The following FAM120B variants were observed in gnomAD, a reference collection of about 807,000 sequenced individuals.
The protein encoded by FAM120B is family with sequence similarity 120 member B, also known as constitutive coactivator of peroxisome proliferator-activated receptor gamma.
In FAM120B, 83 loss-of-function variants were observed where a neutral mutation model predicts 96.3. That is an observed-to-expected ratio of 0.86 (90% CI 0.72 to 1.03). FAM120B has a LOEUF of 1.03. Among genes scored for constraint, FAM120B ranks in the 50% least tolerant of loss-of-function variants. The probability of loss-of-function intolerance (pLI) is 0.00; values close to 1 mark genes in which losing one functional copy is unlikely to be tolerated. For synonymous variants in FAM120B, 407 were observed against 402.7 expected (o/e 1.01, Z -0.13); for missense variants, 1,027 against 1,121.2 (o/e 0.92, Z 1.20).
intron 4 of FAM120B, among the ~76,000 whole-genome samples, chr6:170,337,872 T>A (rs946458954): frequency 6.6e-6 from 1 of 152,220 alleles, no homozygotes; most frequent in African/African-American, 2.4e-5. Flanking sequence ...CGATCAGTGG[T>A]GATATCCCCT....
Position 170,380,091 on chromosome 6 carries a change from T to G in FAM120B, c.2284-8196T>G, listed in dbSNP as rs141579310. On this transcript the variant is annotated intron_variant, in intron 6 of 10. Coordinates refer to ENST00000476287, the MANE Select transcript of FAM120B (RefSeq NM_032448.3). ...TCAAGATTCCACATGCAGGTGAGAT[T>G]GTGCAGTATTTGTCTGACTTTGCCT... Among the ~76,000 whole-genome samples the G allele has an allele frequency of 3.0e-3, 450 of 152,368 alleles. 1 individual carries two copies. The highest frequency in any genetic ancestry group is 0.01 in the African/African-American group (433 of 41,588).
chr6:170,317,357 T>C lies in FAM120B; in HGVS notation c.-21-13T>C. 3 of 1,582,188 alleles carry C rather than the reference T, an allele frequency of 1.9e-6. No homozygotes were observed. The Middle Eastern group carries it at 5.0e-4, about 266-fold the overall frequency. ...AATGCCATAATTACTGATTAATTTA[T>C]CTTTCTTTCCAGATCCTTTCCCGGA... On this transcript the variant is annotated splice_polypyrimidine_tract_variant and intron_variant, in intron 1 of 10. Coordinates refer to ENST00000476287, the MANE Select transcript of FAM120B (RefSeq NM_032448.3).
At chr6:170,379,562 A>G (rs1175847339) in intron 6 of FAM120B, among the ~76,000 whole-genome samples, 3 of 152,232 alleles carry the variant, frequency 2.0e-5, no homozygotes, top group African/African-American at 7.2e-5. Context: ...TCAGTGTTCA[A>G]AAAGTTTTGG....
rs1789136057 is a variant in FAM120B, at chr6:170,370,749, CATTCT to C, written c.2283+12432_2283+12436del. On this transcript the variant is annotated intron_variant, in intron 6 of 10. Transcript: ENST00000476287. This position sits in a 1 kb window ranked among gnomAD's most constrained non-coding sequence, Gnocchi z 4.3. ...ACCTTTAAGGACTTGTTTTCCTTAA[CATTCT>C]TTTAAACTTGGTTTCTTCCTGTAGC... 6.6e-6 allele frequency among the ~76,000 whole-genome samples: 1 copy of C among 152,150 alleles called. No individual in the cohort carries two copies. The highest frequency in any genetic ancestry group is 6.5e-5 in the Admixed American group (1 of 15,284).
chr6:170,391,067 A>G lies in FAM120B; in HGVS notation c.2545A>G (p.Met849Val), dbSNP rs1562594841. 5.0e-6 allele frequency: 8 copies of G among 1,614,206 alleles called. No homozygotes were observed. The highest frequency in any genetic ancestry group is 2.2e-5 in the East Asian group (1 of 44,876). ...GAAGGCAGTCGTCTGCAAGGCCTGC[A>G]TGAAGGAGAACAGACGCATCACTGG... ...NLKAVVCKAC[M>V]KENRRITGRA... The change falls in exon 8 of 11, where the codon ATG (methionine) becomes GTG (valine). Residue 849 changes from methionine to valine, a missense_variant. Physicochemically the swap from Met to Val is conservative, Grantham distance 21 (BLOSUM62 1). This residue lies in a region of FAM120B where 142 missense variants were observed against 122.5 expected (regional missense o/e 1.16). Transcript: ENST00000476287.
upstream of FAM120B, chr6:170,290,997 G>A (rs1016547601): frequency 1.3e-5 from 9 of 701,770 alleles, no homozygotes; most frequent in Non-Finnish European, 2.1e-5. The surrounding 1 kb of genome is among the most constrained non-coding windows in gnomAD (Gnocchi z 4.7). Flanking sequence ...ATGCAAATCA[G>A]CAGCCCCCCA....
intron 6 of FAM120B, among the ~76,000 whole-genome samples, chr6:170,378,611 A>T (rs532594502): frequency 1.4e-3 from 206 of 152,360 alleles, no homozygotes; most frequent in African/African-American, 4.7e-3. Context: ...GGGAAGAGAC[A>T]GGAGGCAGGA....
chr6:170,357,211 C>T (rs551027658), intron 5 of FAM120B, among the ~76,000 whole-genome samples: 30 of 152,252 alleles, frequency 2.0e-4, no homozygotes, highest in East Asian at 7.7e-4. Context: ...GCAGCTCTTG[C>T]GGCCTTAGGA....
intron 4 of FAM120B, among the ~76,000 whole-genome samples, chr6:170,347,729 A>G (rs2115137848): frequency 6.6e-6 from 1 of 152,294 alleles, no homozygotes; most frequent in Non-Finnish European, 1.5e-5. Context: ...ATTCTTTTGC[A>G]CATGAAAGGT....
intron 5 of FAM120B, among the ~76,000 whole-genome samples, chr6:170,354,658 T>G (rs1787783739): frequency 6.6e-6 from 1 of 152,096 alleles, no homozygotes; most frequent in Non-Finnish European, 1.5e-5. Flanking sequence ...GCGCGGTGGC[T>G]GATGCCTGTA....
At chr6:170,292,140 T>C (rs1437797450), upstream of FAM120B, among the ~76,000 whole-genome samples, 1 of 152,216 alleles carries the variant, frequency 6.6e-6, no homozygotes, top group Non-Finnish European at 1.5e-5. This position sits in a 1 kb window ranked among gnomAD's most constrained non-coding sequence, Gnocchi z 6.6. Context: ...CGGCGCATGT[T>C]CTAAAGCCCC....
At chr6:170,377,821 C>T (rs571121791) in intron 6 of FAM120B, among the ~76,000 whole-genome samples, 192 of 142,460 alleles carry the variant, frequency 1.3e-3, no homozygotes, top group Non-Finnish European at 2.0e-3. Flanking sequence ...TCACGCTGCT[C>T]GGTGCTGTGC....
Position 170,322,476 on chromosome 6 carries a change from G to A in FAM120B, c.1735-603G>A, listed in dbSNP as rs146855504. Among the ~76,000 whole-genome samples, 460 of 152,310 alleles carry A rather than the reference G, an allele frequency of 3.0e-3. 1 individual carries two copies. Among genetic ancestry groups the A allele is most frequent in the Admixed American group, 5.2e-3 (79 of 15,298 alleles). On this transcript the variant is annotated intron_variant, in intron 2 of 10. Coordinates refer to ENST00000476287, the MANE Select transcript of FAM120B (RefSeq NM_032448.3). ...AAGAGAAAGATTCTGGGTAGGGTAA[G>A]TTCTTATGGGGCACAAGTAAAGGTA...
intron 9 of FAM120B, among the ~76,000 whole-genome samples, chr6:170,398,716 G>C (rs1275070179): frequency 6.7e-6 from 1 of 148,532 alleles, no homozygotes; most frequent in South Asian, 2.1e-4. Flanking sequence ...GGGGAAGGTA[G>C]AACTATGTCA....
At chr6:170,387,793 A>G (rs1437857950) in intron 6 of FAM120B, among the ~76,000 whole-genome samples, 1 of 152,232 alleles carries the variant, frequency 6.6e-6, no homozygotes, top group African/African-American at 2.4e-5. Context: ...ATTTTTAAAT[A>G]CAATAAACTT....
chr6:170,314,814 G>C (rs556709664), intron 1 of FAM120B, among the ~76,000 whole-genome samples: 1 of 152,328 alleles, frequency 6.6e-6, no homozygotes, highest in East Asian at 1.9e-4. Flanking sequence ...ATACTGGAAG[G>C]CATCCTCTAA....
chr6:170,352,279 T>A (rs184085711), intron 5 of FAM120B, among the ~76,000 whole-genome samples: 135 of 152,284 alleles, frequency 8.9e-4, no homozygotes, highest in African/African-American at 3.1e-3. Context: ...GCACCCAGAC[T>A]CGCAAAGCAA....
chr6:170,333,889 A>G (rs117968798), intron 4 of FAM120B, among the ~76,000 whole-genome samples: 89 of 152,286 alleles, frequency 5.8e-4, no homozygotes, highest in Non-Finnish European at 1.2e-3. Context: ...TGTTTCTGAT[A>G]ACACAGTTTA....
chr6:170,400,705 A>G (rs556199534), intron 9 of FAM120B, among the ~76,000 whole-genome samples: 36 of 152,216 alleles, frequency 2.4e-4, no homozygotes, highest in Non-Finnish European at 4.6e-4. Context: ...ATTTCTCTTA[A>G]TATTTATGTC....
Sources: gnomAD v4.1 joint callset for allele counts (sites outside exome capture counted in the v4.1 genomes callset) on GRCh38, gnomAD v4.1.1 for gene constraint, gnomAD v4.1.1 regional missense constraint, Gnocchi (gnomAD v3.1) non-coding constraint, MANE v1.5 for transcripts, NCBI Gene and HGNC (gene_info 2026-07-23, HGNC 2026-07-21) for gene names.